The following ELMO2 variants were observed in gnomAD, a reference collection of about 807,000 sequenced individuals.
ELMO2 encodes engulfment and cell motility 2.
ELMO2 carries 37 observed loss-of-function variants against 96.2 expected under a neutral mutation model. The observed-to-expected ratio is 0.38, with a 90% confidence interval of 0.30 to 0.51. The LOEUF (loss-of-function observed/expected upper bound fraction) is 0.51, where lower values mean the gene tolerates loss of function less well. Ranked by LOEUF, ELMO2 falls within the 20% of genes least tolerant of loss-of-function variation. The pLI is 0.88. For synonymous variants in ELMO2, 315 were observed against 329.4 expected (o/e 0.96, Z 0.47); for missense variants, 561 against 912.6 (o/e 0.61, Z 4.96).
At chr20:46,391,039 G>A (rs1340878688) in intron 6 of ELMO2, among the ~76,000 whole-genome samples, 8 of 152,218 alleles carry the variant, frequency 5.3e-5, no homozygotes, top group Admixed American at 2.6e-4. Context: ...GCTGCCTCCC[G>A]CTCCAGAGAG....
intron 4 of ELMO2, 55 bp from the exon 5 acceptor site, chr20:46,393,656 G>A: frequency 1.1e-5 from 17 of 1,573,284 alleles, no homozygotes; most frequent in Non-Finnish European, 1.5e-5. Flanking sequence ...TTCAGAAGCT[G>A]CTCATAAGTA....
At position 46,380,315 on chromosome 20, in the gene ELMO2, A is replaced by G; in HGVS notation, c.757-12T>C. 6.2e-7 allele frequency: 1 copy of G among 1,611,842 alleles called. No individual in the cohort carries two copies. The highest frequency in any genetic ancestry group is 8.5e-7 in the Non-Finnish European group (1 of 1,178,196). ...GCATTTGCCATATCCTGTGGAGGAA[A>G]ATAAGCAAATATAAGGCAGGGTGGC... On this transcript the variant is annotated splice_polypyrimidine_tract_variant and intron_variant, in intron 10 of 21. Coordinates refer to ENST00000290246, the MANE Select transcript of ELMO2 (RefSeq NM_133171.5).
chr20:46,375,515 A>G lies in ELMO2; in HGVS notation c.931-145T>C, dbSNP rs1402798373. On this transcript the variant is annotated intron_variant, in intron 12 of 21. Coordinates refer to ENST00000290246, the MANE Select transcript of ELMO2 (RefSeq NM_133171.5). This position sits in a 1 kb window ranked among gnomAD's most constrained non-coding sequence, Gnocchi z 4.6. The stretch of plus-strand genomic sequence containing the variant: ...TCACCTCTACCACAGCAGGACAGAA[A>G]TGGGCTTGGCTCATGGTGCAGATCA... The G allele has an allele frequency of 1.3e-6, 2 of 1,483,266 alleles. No homozygotes were observed. The highest frequency in any genetic ancestry group is 1.3e-5 in the South Asian group (1 of 77,636). 91.9% of individuals were successfully genotyped at this position (1,483,266 alleles called of 1,614,324 possible).
At position 46,393,147 on chromosome 20, in the gene ELMO2, G is replaced by C. The variant is rs773838743; in HGVS notation, c.193-4C>G. 7 of 1,613,660 alleles carry C rather than the reference G, an allele frequency of 4.3e-6. No individual in the cohort carries two copies. Among genetic ancestry groups the C allele is most frequent in the Non-Finnish European group, 5.9e-6 (7 of 1,179,702 alleles). On this transcript the variant is annotated splice_polypyrimidine_tract_variant and splice_region_variant and intron_variant, in intron 5 of 21. Transcript: ENST00000290246. Reference sequence around the variant, plus strand: ...CATTCTTAATGTCACTGCGAGTCTGGGTAGTGAAAAATAAACAAAAAAAGT... The same window carrying C: ...CATTCTTAATGTCACTGCGAGTCTGCGTAGTGAAAAATAAACAAAAAAAGT...
chr20:46,395,695 C>A (rs984656812), intron 2 of ELMO2, among the ~76,000 whole-genome samples: 1 of 152,182 alleles, frequency 6.6e-6, no homozygotes, highest in Non-Finnish European at 1.5e-5. Context: ...ACAAGCCCAT[C>A]GGCCTCAGAA....
At chr20:46,379,635 A>T (rs563312698) in intron 11 of ELMO2, among the ~76,000 whole-genome samples, 8 of 151,694 alleles carry the variant, frequency 5.3e-5, no homozygotes, top group South Asian at 4.2e-4. Flanking sequence ...CTAATCACAC[A>T]CTCCTTCTGG....
At chr20:46,406,066 A>G (rs563004003) in intron 1 of ELMO2, among the ~76,000 whole-genome samples, 1 of 152,234 alleles carries the variant, frequency 6.6e-6, no homozygotes, top group East Asian at 1.9e-4. Context: ...CCGGGGTGCT[A>G]CTGAGCCAGC....
Position 46,394,647 on chromosome 20 carries a change from C to T in ELMO2, c.-50-115G>A, listed in dbSNP as rs2274675. On this transcript the variant is annotated intron_variant, in intron 2 of 21. Coordinates refer to ENST00000290246, the MANE Select transcript of ELMO2 (RefSeq NM_133171.5). ...TGCATAAAGTAACACATGAAACTAC[C>T]TGGTTTGAATTTTTCTAGATCATAC... The T allele has an allele frequency of 0.1, 78,346 of 763,134 alleles. 7,376 individuals are homozygous for T. Among genetic ancestry groups the T allele is most frequent in the African/African-American group, 0.39 (21,970 of 56,576 alleles). The allele number at this position is 763,134 out of a possible 1,614,324, so 47.3% of individuals were successfully genotyped here. A position where few individuals can be genotyped will look rare whatever the true frequency, so the allele number is the denominator to read the frequency against.
At chr20:46,396,716 G>A (rs2060250269) in intron 2 of ELMO2, among the ~76,000 whole-genome samples, 1 of 152,192 alleles carries the variant, frequency 6.6e-6, no homozygotes, top group African/African-American at 2.4e-5. Flanking sequence ...ACACTGGGCT[G>A]GGATAATTGT....
At chr20:46,369,961 G>GGTGT (rs200632114) in intron 20 of ELMO2, 137 of 50,254 alleles carry the variant, frequency 2.7e-3, no homozygotes, top group African/African-American at 7.0e-3. Flanking sequence ...TGGGTATGGG[G>GGTGT]GTGTGTGTGT....
intron 7 of ELMO2, among the ~76,000 whole-genome samples, chr20:46,388,060 T>C (rs2060081634): frequency 6.6e-6 from 1 of 152,252 alleles, no homozygotes. Context: ...TTTAATCCTT[T>C]ATACATCTGT....
Position 46,375,449 on chromosome 20 carries a change from T to A in ELMO2, c.931-79A>T. The A allele has an allele frequency of 3.8e-6, 6 of 1,568,952 alleles. No homozygotes were observed. Among genetic ancestry groups the A allele is most frequent in the Non-Finnish European group, 5.2e-6 (6 of 1,155,056 alleles). Reference sequence around the variant, plus strand: ...GAAAAGAAACAGTGGGTCAGGCTTTTCTGGGCCAAACTTTGGCCCCAATCA... The same window carrying A: ...GAAAAGAAACAGTGGGTCAGGCTTTACTGGGCCAAACTTTGGCCCCAATCA... On this transcript the variant is annotated intron_variant, in intron 12 of 21. Transcript: ENST00000290246. This position sits in a 1 kb window ranked among gnomAD's most constrained non-coding sequence, Gnocchi z 4.6.
chr20:46,372,790 G>A (rs2059752582), intron 16 of ELMO2: 2 of 152,268 alleles, frequency 1.3e-5, no homozygotes, highest in Non-Finnish European at 2.9e-5. Context: ...AAAACCTGTA[G>A]GGGATAAAAA....
intron 6 of ELMO2, among the ~76,000 whole-genome samples, chr20:46,391,570 G>A (rs988503060): frequency 6.6e-6 from 1 of 152,042 alleles, no homozygotes; most frequent in Non-Finnish European, 1.5e-5. Context: ...TGTAACCAAA[G>A]GTGCAACCAT....
At position 46,371,268 on chromosome 20, in the gene ELMO2, G is replaced by C; in HGVS notation, c.1801+84C>G. Reference sequence around the variant, plus strand: ...AGAGGTAACAGGTACAAGCCCAGATGATCAGCTACAAACAGCTGGACTAGA... The same window carrying C: ...AGAGGTAACAGGTACAAGCCCAGATCATCAGCTACAAACAGCTGGACTAGA... On this transcript the variant is annotated intron_variant, in intron 19 of 21. Transcript: ENST00000290246. This position sits in a 1 kb window ranked among gnomAD's most constrained non-coding sequence, Gnocchi z 5.9. The C allele has an allele frequency of 7.4e-7, 1 of 1,351,350 alleles. No individual in the cohort carries two copies. The highest frequency in any genetic ancestry group is 1.0e-6 in the Non-Finnish European group (1 of 952,576). 83.7% of individuals were successfully genotyped at this position (1,351,350 alleles called of 1,614,324 possible). A position where few individuals can be genotyped will look rare whatever the true frequency, so the allele number is the denominator to read the frequency against.
intron 10 of ELMO2, among the ~76,000 whole-genome samples, chr20:46,381,596 T>C (rs2059957411): frequency 6.6e-6 from 1 of 152,160 alleles, no homozygotes; most frequent in Non-Finnish European, 1.5e-5. Context: ...TCGACTGAGA[T>C]TAAATCTTGC....
At chr20:46,392,977 A>C in intron 6 of ELMO2, 116 bp downstream of exon 6, 1 of 931,558 alleles carries the variant, frequency 1.1e-6, no homozygotes, top group East Asian at 2.5e-5. Flanking sequence ...CCTGATACAA[A>C]AAGACTGACT....
chr20:46,376,670 C>T (rs760293311), intron 11 of ELMO2: 3 of 1,289,598 alleles, frequency 2.3e-6, no homozygotes, highest in South Asian at 1.2e-5. Context: ...CCTTCTTGCT[C>T]CCTTGTATTT....
At position 46,406,563 on chromosome 20, in the gene ELMO2, G is replaced by A. The variant is rs1568800004; in HGVS notation, c.-141C>T. ...CCTCACTCACCAGGGCGCAGACCTA[G>A]GCCCAGCTCCTGCTCCCGGGTCTCC... On this transcript the variant is annotated 5_prime_UTR_variant, in exon 1 of 22. Transcript: ENST00000290246. 1 of 152,868 alleles carries A rather than the reference G, an allele frequency of 6.5e-6. No homozygotes were observed. The highest frequency in any genetic ancestry group is 1.5e-5 in the Non-Finnish European group (1 of 68,576). The allele number at this position is 152,868 out of a possible 1,614,324, so 9.5% of individuals were successfully genotyped here. A position where few individuals can be genotyped will look rare whatever the true frequency, so the allele number is the denominator to read the frequency against.
Sources: gnomAD v4.1 joint callset for allele counts (sites outside exome capture counted in the v4.1 genomes callset) on GRCh38, gnomAD v4.1.1 for gene constraint, Gnocchi (gnomAD v3.1) non-coding constraint, MANE v1.5 for transcripts, NCBI Gene and HGNC (gene_info 2026-07-23, HGNC 2026-07-21) for gene names.